Variants in HR observed in about 807,000 individuals in gnomAD.
HR encodes the protein lysine-specific demethylase hairless.
Under a neutral mutation model 128.6 loss-of-function variants are expected in HR, and 83 were observed. That is an observed-to-expected ratio of 0.65 (90% CI 0.54 to 0.77). HR has a LOEUF of 0.77. Ranked by LOEUF, HR falls within the 30% of genes least tolerant of loss-of-function variation. The pLI, the probability that HR is intolerant of heterozygous loss-of-function variation, is 0.00. For synonymous variants in HR, 681 were observed against 658.2 expected, an observed-to-expected ratio of 1.03 and a Z score of -0.53; for missense variants, 1,490 against 1,574.6, an observed-to-expected ratio of 0.95 and a Z score of 0.91.
At position 22,114,430 on chromosome 8, in the gene HR, A is replaced by G. The variant is rs1299424148; in HGVS notation, c.*1270T>C. ...GTTCTGAAAGTATATTACCCTTATAATAAAAAACTTTATTTAATAAAAAAA... is the reference window on the plus strand; with the variant it reads ...GTTCTGAAAGTATATTACCCTTATAGTAAAAAACTTTATTTAATAAAAAAA... On this transcript the variant is annotated 3_prime_UTR_variant, in exon 19 of 19. Coordinates refer to ENST00000381418, the MANE Select transcript of HR (RefSeq NM_005144.5). 7 of 151,346 alleles carry G rather than the reference A, an allele frequency of 4.6e-5. No homozygotes were observed. Among genetic ancestry groups the G allele is most frequent in the African/African-American group, 1.7e-4 (7 of 40,528 alleles). 9.4% of individuals were successfully genotyped at this position (151,346 alleles called of 1,614,324 possible). A position where few individuals can be genotyped will look rare whatever the true frequency, so the allele number is the denominator to read the frequency against.
chr8:22,126,664 C>T (rs1224489125), intron 3 of HR, among the ~76,000 whole-genome samples: 1 of 152,192 alleles, frequency 6.6e-6, no homozygotes, highest in Non-Finnish European at 1.5e-5. Context: ...GAGGTAGGTG[C>T]CGTCTTCTTC....
chr8:22,120,577 G>A, intron 11 of HR, 70 bp from the exon 12 acceptor site: 2 of 1,601,116 alleles, frequency 1.2e-6, no homozygotes, highest in Non-Finnish European at 1.7e-6. Context: ...GCAAGGGCGT[G>A]TTGTAAGGGC....
At position 22,124,974 on chromosome 8, in the gene HR, C is replaced by T. The variant is rs566299077; in HGVS notation, c.1750+337G>A. On this transcript the variant is annotated intron_variant, in intron 5 of 18. Coordinates refer to ENST00000381418, the MANE Select transcript of HR (RefSeq NM_005144.5). Reference sequence around the variant, plus strand: ...ACTCTCTGTGCTGCGGAAGGGCGACCGAAGGGAGCACCTGCAGCCAGAGGG... The same window carrying T: ...ACTCTCTGTGCTGCGGAAGGGCGACTGAAGGGAGCACCTGCAGCCAGAGGG... 6.6e-5 allele frequency among the ~76,000 whole-genome samples: 10 copies of T among 152,276 alleles called. No homozygotes were observed. In the South Asian group the frequency reaches 2.1e-3, roughly 32 times the overall value.
intron 8 of HR, among the ~76,000 whole-genome samples, chr8:22,122,044 A>G (rs1221189555): frequency 3.3e-5 from 5 of 152,230 alleles, no homozygotes; most frequent in African/African-American, 1.2e-4. Flanking sequence ...AATGCATTCA[A>G]TGAACTATTT....
rs928253618 is a variant in HR, at chr8:22,114,694, C to T, written c.*1006G>A. On this transcript the variant is annotated 3_prime_UTR_variant, in exon 19 of 19. Transcript: ENST00000381418. ...AGGGCAGACAGGCGGGGCAAGGGCT[C>T]TTCTGGGCCATACTTCTGGATCTCC... 4 of 152,452 alleles carry T rather than the reference C, an allele frequency of 2.6e-5. No individual in the cohort carries two copies. The highest frequency in any genetic ancestry group is 4.8e-5 in the African/African-American group (2 of 41,462). The allele number at this position is 152,452 out of a possible 1,614,324, so 9.4% of individuals were successfully genotyped here. A position where few individuals can be genotyped will look rare whatever the true frequency, so the allele number is the denominator to read the frequency against.
Position 22,120,770 on chromosome 8 carries a change from C to G in HR, c.2556G>C (p.Gln852His). 1 of 1,528,710 alleles carries G rather than the reference C, an allele frequency of 6.5e-7. No homozygotes were observed. Among genetic ancestry groups the G allele is most frequent in the Non-Finnish European group, 8.8e-7 (1 of 1,135,414 alleles). The allele number at this position is 1,528,710 out of a possible 1,614,324, so 94.7% of individuals were successfully genotyped here. Residue 852 changes from glutamine to histidine, a missense_variant, in exon 11 of 19, where the codon CAG becomes CAC. By Grantham distance (24) the Gln-to-His change is conservative. Around this residue, in one of 3 missense-constraint regions of HR, gnomAD observed 423 missense variants for 495.9 expected, o/e 0.85. Coordinates refer to ENST00000381418, the MANE Select transcript of HR (RefSeq NM_005144.5). Reference sequence around the variant, plus strand: ...GGTGGAAGCCACGCCGAGGGCAAGGCTGGGGCTCCTGCAGCCACAGCAAAG... The same window carrying G: ...GGTGGAAGCCACGCCGAGGGCAAGGGTGGGGCTCCTGCAGCCACAGCAAAG... ...PGALLWLQEP[Q>H]PCPRRGFHLF...
rs1826946286 is a variant in HR, at chr8:22,128,021, A to G, written c.613-192T>C. The G allele has an allele frequency of 4.5e-6, 3 of 663,176 alleles. No individual in the cohort carries two copies. In the South Asian group the frequency reaches 5.1e-5, roughly 11 times the overall value. The allele number at this position is 663,176 out of a possible 1,614,324, so 41.1% of individuals were successfully genotyped here. The stretch of plus-strand genomic sequence containing the variant: ...GGCAACCCCCACCTCCTCCCCCAGG[A>G]TTTCTCAGACGTCCCCACAAGGAAG... On this transcript the variant is annotated intron_variant, in intron 2 of 18. Transcript: ENST00000381418.
In HR at chr8:22,114,448, T is replaced by TA. The variant is rs11446222; in HGVS notation, c.*1251dup. ...CCTTATAATAAAAAACTTTATTTAATAAAAAAAATTCCCCAAACCACAGCA... is the reference window on the plus strand; with the variant it reads ...CCTTATAATAAAAAACTTTATTTAATAAAAAAAAATTCCCCAAACCACAGCA... On this transcript the variant is annotated 3_prime_UTR_variant, in exon 19 of 19. Transcript: ENST00000381418. The TA allele has an allele frequency of 0.14, 21,995 of 152,590 alleles. 1,882 individuals carry two copies. The highest frequency in any genetic ancestry group is 0.23 in the African/African-American group (9,686 of 41,488). The allele number at this position is 152,590 out of a possible 1,614,324, so 9.5% of individuals were successfully genotyped here.
At position 22,127,161 on chromosome 8, in the gene HR, G is replaced by A. The variant is rs1343004197; in HGVS notation, c.1281C>T (p.Ala427=). 4 of 1,612,760 alleles carry A rather than the reference G, an allele frequency of 2.5e-6. No homozygotes were observed. The highest frequency in any genetic ancestry group is 3.4e-6 in the Non-Finnish European group (4 of 1,179,880). Residue 427 remains alanine (A), a synonymous_variant, in exon 3 of 19, where the codon GCC becomes GCT. Transcript: ENST00000381418. ...PEVQGAMGSP[A]PKRPPDPFPG... is the part of the protein sequence containing the mutation. The stretch of plus-strand genomic sequence containing the variant: ...GAAAAGGGTCCGGTGGCCGCTTGGG[G>A]GCTGGACTGCCCATTGCTCCCTGGA...
At position 22,128,546 on chromosome 8, in the gene HR, C is replaced by A. The variant is rs1168529209; in HGVS notation, c.612+13G>T. On this transcript the variant is annotated intron_variant, in intron 2 of 18. Coordinates refer to ENST00000381418, the MANE Select transcript of HR (RefSeq NM_005144.5). ...GCCAGAGCCACAGGTACCCTCTCTG[C>A]CCCTGCACTCACCTTGCTGCCTAAG... 1.9e-6 allele frequency: 3 copies of A among 1,611,372 alleles called. No individual in the cohort carries two copies. In the African/African-American group the frequency reaches 4.0e-5, roughly 22 times the overall value.
chr8:22,123,617 T>TTTGGG, intron 6 of HR, 32 bp downstream of exon 6: 8 of 292,090 alleles, frequency 2.7e-5, no homozygotes, highest in Non-Finnish European at 5.0e-5. Flanking sequence ...GAGGGCTCCA[T>TTTGGG]CCCGCCCTCC....
At chr8:22,118,865 A>C (rs1826658121) in intron 16 of HR, 85 bp downstream of exon 16, 4 of 1,170,106 alleles carry the variant, frequency 3.4e-6, no homozygotes, top group Non-Finnish European at 5.1e-6. Context: ...GGGAGCGAGC[A>C]CATGGGACCG....
Position 22,127,687 on chromosome 8 carries a change from T to G in HR, c.755A>C (p.Asp252Ala), listed in dbSNP as rs765559000. 2.5e-6 allele frequency: 4 copies of G among 1,609,894 alleles called. No homozygotes were observed. The highest frequency in any genetic ancestry group is 3.4e-6 in the Non-Finnish European group (4 of 1,179,834). The change falls in exon 3 of 19, where the codon GAT becomes GCT. Residue 252 changes from aspartate (D) to alanine (A), a missense_variant. This residue lies in a region of HR where 1,060 missense variants were observed against 1,060.9 expected (regional missense o/e 1.00). Coordinates refer to ENST00000381418, the MANE Select transcript of HR (RefSeq NM_005144.5). ...CTGCCGGCCAGCTCCCATCTCTCCA[T>G]CCCTCTGGTGCAGTGAAGGGCGTTC... The part of the protein sequence containing the change: ...EAERPSLHQR[D>A]GEMGAGRQQN...
Position 22,125,367 on chromosome 8 carries a change from C to T in HR, c.1694G>A (p.Arg565Gln), listed in dbSNP as rs139800068. The change falls in exon 5 of 19, where the codon CGA (arginine) becomes CAA (glutamine). Residue 565 changes from arginine (R) to glutamine (Q), a missense_variant. By Grantham distance (43) the Arg-to-Gln change is conservative (BLOSUM62 1). Coordinates refer to ENST00000381418, the MANE Select transcript of HR (RefSeq NM_005144.5). Reference sequence around the variant, plus strand: ...CTCCCTCCGCAGCAGGCGGCACAGTCGGTCCCCCAAACCACTGAGCAGGTG... The same window carrying T: ...CTCCCTCCGCAGCAGGCGGCACAGTTGGTCCCCCAAACCACTGAGCAGGTG... ...AKHLLSGLGD[R>Q]LCRLLRRERE... 7.3e-5 allele frequency: 117 copies of T among 1,606,898 alleles called. No individual in the cohort carries two copies. The African/African-American group carries it at 1.2e-3, about 17-fold the overall frequency.
rs1162398687 is a variant in HR at position 22,116,867 on chromosome 8, G to A, written c.3378+8C>T. ...CTCCCCGCAGAGCCCCTGCCCGCTG[G>A]GAAGCACCTGGTGGGGAGCCCCTGC... On this transcript the variant is annotated splice_region_variant and intron_variant, in intron 17 of 18. Coordinates refer to ENST00000381418, the MANE Select transcript of HR (RefSeq NM_005144.5). The surrounding 1 kb of genome is among the most constrained non-coding windows in gnomAD (Gnocchi z 4.2). The A allele has an allele frequency of 1.3e-6, 2 of 1,568,948 alleles. No homozygotes were observed. Among genetic ancestry groups the A allele is most frequent in the African/African-American group, 2.7e-5 (2 of 74,236 alleles).
intron 5 of HR, 94 bp downstream of exon 5, chr8:22,125,217 G>C: frequency 7.5e-7 from 1 of 1,332,492 alleles, no homozygotes; most frequent in East Asian, 2.5e-5. Flanking sequence ...GGTTGCCTTA[G>C]GTCTAGGAGC....
chr8:22,120,540 AATGGCCAGGGTGCCCGCC>A, intron 11 of HR, 33 bp from the exon 12 acceptor site: 4 of 1,612,306 alleles, frequency 2.5e-6, no homozygotes, highest in Non-Finnish European at 3.4e-6. Context: ...CCATGAGGAG[AATGGCCAGGGTGCCCGCC>A]ATGGCCAGGC....
At position 22,119,252 on chromosome 8, in the gene HR, G is replaced by C; in HGVS notation, c.3009C>G (p.Thr1003=). Residue 1003 remains threonine (T), a synonymous_variant, in exon 15 of 19, where the codon ACC becomes ACG. Transcript: ENST00000381418. ...CGGCCACCTCCACACAGAGGTTCTT[G>C]GTCCCCAGGTGTCCCCGGTGCGGGC... ...GVSPHRGHLG[T]KNLCVEVADL... 7 of 1,613,742 alleles carry C rather than the reference G, an allele frequency of 4.3e-6. No homozygotes were observed. Among genetic ancestry groups the C allele is most frequent in the Non-Finnish European group, 5.9e-6 (7 of 1,180,036 alleles).
chr8:22,122,638 G>A lies in HR; in HGVS notation c.2006-30C>T, dbSNP rs746633153. 1.5e-5 allele frequency: 23 copies of A among 1,568,940 alleles called. No individual in the cohort carries two copies. The South Asian group carries it at 2.2e-4, about 15-fold the overall frequency. On this transcript the variant is annotated intron_variant, in intron 7 of 18. Transcript: ENST00000381418. ...GGGTGGGGGTGGGCAGGAGAGGGAGGTTGGTGGTGAGTGTAGACCAACAGG... is the reference window on the plus strand; with the variant it reads ...GGGTGGGGGTGGGCAGGAGAGGGAGATTGGTGGTGAGTGTAGACCAACAGG...
Sources: allele counts gnomAD v4.1 joint callset (sites outside exome capture counted in the v4.1 genomes callset), GRCh38; gene constraint gnomAD v4.1.1; regional missense constraint gnomAD v4.1.1; non-coding constraint Gnocchi (gnomAD v3.1); transcripts MANE v1.5; gene names NCBI Gene and HGNC (gene_info 2026-07-23, HGNC 2026-07-21).